The following PPIL6 variants were observed in gnomAD, a reference collection of about 807,000 sequenced individuals.
The protein encoded by PPIL6 is probable inactive peptidyl-prolyl cis-trans isomerase-like 6.
PPIL6 carries 39 observed loss-of-function variants against 36.8 expected under a neutral mutation model. The observed-to-expected ratio is 1.06, with a 90% confidence interval of 0.82 to 1.38. The LOEUF (loss-of-function observed/expected upper bound fraction) is 1.38, where lower values mean the gene tolerates loss of function less well. Among genes scored for constraint, PPIL6 ranks in the 40% most tolerant of loss-of-function variants. The pLI is 0.00. For synonymous variants in PPIL6, 123 were observed against 134.1 expected (o/e 0.92, Z 0.57); for missense variants, 368 against 379.1 (o/e 0.97, Z 0.24).
chr6:109,392,722 C>CGTATCAGTAAAAA lies in PPIL6; in HGVS notation c.*103_*104insTTTTTACTGATAC. ...AGATGAGGCAACCTACAGTGTCTGC[C>CGTATCAGTAAAAA]ACGGCTTTCAAATTACAATTTATCA... On this transcript the variant is annotated 3_prime_UTR_variant, in exon 8 of 8. Coordinates refer to ENST00000521072, the MANE Select transcript of PPIL6 (RefSeq NM_173672.5). 1 of 681,546 alleles carries CGTATCAGTAAAAA rather than the reference C, an allele frequency of 1.5e-6. No individual in the cohort carries two copies. The highest frequency in any genetic ancestry group is 2.8e-5 in the Admixed American group (1 of 36,330). The allele number at this position is 681,546 out of a possible 1,614,324, so 42.2% of individuals were successfully genotyped here. A position where few individuals can be genotyped will look rare whatever the true frequency, so the allele number is the denominator to read the frequency against.
chr6:109,416,224 C>CA (rs1773247275), intron 6 of PPIL6, among the ~76,000 whole-genome samples: 3 of 112,032 alleles, frequency 2.7e-5, no homozygotes, highest in African/African-American at 1.1e-4. Flanking sequence ...TTTTTTGAGA[C>CA]AAGAGTCTTA....
At chr6:109,411,680 G>C (rs1773019214) in intron 6 of PPIL6, among the ~76,000 whole-genome samples, 1 of 152,126 alleles carries the variant, frequency 6.6e-6, no homozygotes, top group Non-Finnish European at 1.5e-5. Flanking sequence ...CTTAGTAAAA[G>C]TTTGTGTTTT....
intron 6 of PPIL6, among the ~76,000 whole-genome samples, chr6:109,405,641 T>C (rs1772768991): frequency 6.6e-6 from 1 of 152,192 alleles, no homozygotes; most frequent in Non-Finnish European, 1.5e-5. Context: ...CCACTTACAT[T>C]CTTCCACCAT....
chr6:109,424,342 TGTGTGTGCAACCGA>T (rs763613525), intron 5 of PPIL6, among the ~76,000 whole-genome samples: 49 of 152,282 alleles, frequency 3.2e-4, no homozygotes, highest in Non-Finnish European at 1.6e-4. Context: ...AGCCAGAGGC[TGTGTGTGCAACCGA>T]GTGTGTAAGA....
chr6:109,399,753 G>C (rs1243427001), intron 7 of PPIL6, among the ~76,000 whole-genome samples: 1 of 152,006 alleles, frequency 6.6e-6, no homozygotes, highest in East Asian at 1.9e-4. Context: ...TGTTGCCCAG[G>C]CTGGTCTTGA....
intron 5 of PPIL6, among the ~76,000 whole-genome samples, chr6:109,420,541 A>G (rs1773492110): frequency 6.6e-6 from 1 of 152,100 alleles, no homozygotes; most frequent in Admixed American, 6.5e-5. Context: ...CTCCCACTAT[A>G]AAAAGACTCC....
chr6:109,413,843 A>C lies in PPIL6; in HGVS notation c.688+5344T>G, dbSNP rs996412059. ...GGATGGGACTGGAGGTCATTATGCT[A>C]AGTGAAATAAGCCAGGCACAGAAAG... On this transcript the variant is annotated intron_variant, in intron 6 of 7. Transcript: ENST00000521072. The surrounding 1 kb of genome is among the most constrained non-coding windows in gnomAD (Gnocchi z 4.6). Among the ~76,000 whole-genome samples the C allele has an allele frequency of 6.6e-6, 1 of 152,206 alleles. No individual in the cohort carries two copies. The highest frequency in any genetic ancestry group is 6.5e-5 in the Admixed American group (1 of 15,274).
chr6:109,399,073 A>G (rs914673322), intron 7 of PPIL6, among the ~76,000 whole-genome samples: 34 of 151,210 alleles, frequency 2.2e-4, no homozygotes, highest in African/African-American at 8.1e-4. Flanking sequence ...CTACAGGCAC[A>G]CACCACCACA....
chr6:109,427,193 A>T, intron 3 of PPIL6, 37 bp from the exon 4 acceptor site: 1 of 1,494,838 alleles, frequency 6.7e-7, no homozygotes, highest in South Asian at 1.2e-5. Flanking sequence ...ATGCAGGTCA[A>T]AGTCTTACAA....
intron 6 of PPIL6, among the ~76,000 whole-genome samples, chr6:109,414,953 A>T (rs1395415460): frequency 1.3e-5 from 2 of 152,228 alleles, no homozygotes; most frequent in Non-Finnish European, 2.9e-5. Context: ...AGCTAGAGAA[A>T]ATAAAATGTT....
intron 7 of PPIL6, among the ~76,000 whole-genome samples, chr6:109,397,696 G>A (rs1772356353): frequency 6.6e-6 from 1 of 152,156 alleles, no homozygotes. Context: ...CTGTGCAGAT[G>A]TGGAGGTGGT....
intron 1 of PPIL6, among the ~76,000 whole-genome samples, chr6:109,439,249 G>C (rs1229259717): frequency 6.6e-6 from 1 of 152,110 alleles, no homozygotes; most frequent in African/African-American, 2.4e-5. Flanking sequence ...CATTAACTTT[G>C]GTAATAAAAG....
At chr6:109,427,191 C>A (rs776846953) in intron 3 of PPIL6, 35 bp from the exon 4 acceptor site, 4 of 1,497,918 alleles carry the variant, frequency 2.7e-6, no homozygotes, top group South Asian at 2.5e-5. Flanking sequence ...TAATGCAGGT[C>A]AAAGTCTTAC....
chr6:109,424,460 T>G (rs1773716210), intron 5 of PPIL6, among the ~76,000 whole-genome samples: 2 of 152,120 alleles, frequency 1.3e-5, no homozygotes, highest in Admixed American at 1.3e-4. Flanking sequence ...CCTGGAGGCA[T>G]CCTAAGGCAC....
rs1772125231 is a variant in PPIL6, at chr6:109,392,287, A to G, written c.*539T>C. The G allele has an allele frequency of 6.6e-6, 1 of 152,380 alleles. No homozygotes were observed. Among genetic ancestry groups the G allele is most frequent in the Admixed American group, 6.6e-5 (1 of 15,256 alleles). 9.4% of individuals were successfully genotyped at this position (152,380 alleles called of 1,614,324 possible). A position where few individuals can be genotyped will look rare whatever the true frequency, so the allele number is the denominator to read the frequency against. The stretch of plus-strand genomic sequence containing the variant: ...CGGGTTCAAGAGATTCTTCTGCCTC[A>G]GCTTCCCAAGTAGCTGGGACTACAA... On this transcript the variant is annotated 3_prime_UTR_variant, in exon 8 of 8. Transcript: ENST00000521072.
chr6:109,417,874 A>G (rs542366377), intron 6 of PPIL6, among the ~76,000 whole-genome samples: 1 of 152,118 alleles, frequency 6.6e-6, no homozygotes, highest in South Asian at 2.1e-4. Context: ...ATCTTCCCCA[A>G]TTTTCCTTTA....
At chr6:109,408,188 C>T (rs143211937) in intron 6 of PPIL6, among the ~76,000 whole-genome samples, 1 of 152,294 alleles carries the variant, frequency 6.6e-6, no homozygotes, top group East Asian at 1.9e-4. Context: ...AAAATCCTTG[C>T]TCACATTTCC....
intron 6 of PPIL6, chr6:109,417,953 C>G (rs1043238746): frequency 6.6e-6 from 1 of 152,184 alleles, no homozygotes; most frequent in Non-Finnish European, 1.5e-5. Context: ...ATGCCTACAG[C>G]AATACCCTAT....
At chr6:109,425,977 T>C (rs1301749083) in intron 5 of PPIL6, among the ~76,000 whole-genome samples, 6 of 152,232 alleles carry the variant, frequency 3.9e-5, no homozygotes. Flanking sequence ...TGTATGTTTA[T>C]GTTCATTGGC....
Sources: allele counts gnomAD v4.1 joint callset (sites outside exome capture counted in the v4.1 genomes callset), GRCh38; gene constraint gnomAD v4.1.1; non-coding constraint Gnocchi (gnomAD v3.1); transcripts MANE v1.5; gene names NCBI Gene and HGNC (gene_info 2026-07-23, HGNC 2026-07-21).